The following MYO16 variants were observed in gnomAD, a reference collection of about 807,000 sequenced individuals.
MYO16 encodes unconventional myosin-XVI.
Under a neutral mutation model 205.3 loss-of-function variants are expected in MYO16, and 94 were observed. That is an observed-to-expected ratio of 0.46 (90% CI 0.39 to 0.54). The LOEUF (loss-of-function observed/expected upper bound fraction) is 0.54, where lower values mean the gene tolerates loss of function less well. MYO16 is among the 20% of genes least tolerant of loss of function. The pLI is 0.00. For synonymous variants in MYO16, 988 were observed against 954.0 expected, an observed-to-expected ratio of 1.04 and a Z score of -0.66; for missense variants, 2,315 against 2,387.5, an observed-to-expected ratio of 0.97 and a Z score of 0.63.
At chr13:108,983,752 T>C (rs921867303) in intron 20 of MYO16, among the ~76,000 whole-genome samples, 2 of 152,154 alleles carry the variant, frequency 1.3e-5, no homozygotes, top group African/African-American at 4.8e-5. Flanking sequence ...CATTCTTAAT[T>C]GTTAAGACTG....
In MYO16 at chr13:108,947,250, A is replaced by G. The variant is rs187163483; in HGVS notation, c.1926-10438A>G. Among the ~76,000 whole-genome samples the G allele has an allele frequency of 2.0e-5, 3 of 152,280 alleles. No homozygotes were observed. The East Asian group carries it at 5.8e-4, about 29-fold the overall frequency. On this transcript the variant is annotated intron_variant, in intron 16 of 34. Transcript: ENST00000457511. The stretch of plus-strand genomic sequence containing the variant: ...CTGTTGGTGCTGTGGACATGGCCTT[A>G]CACATGCTTTCTGGTCACCTTCTCC...
At chr13:109,196,969 A>G (rs957208061) in intron 34 of MYO16, among the ~76,000 whole-genome samples, 1 of 152,194 alleles carries the variant, frequency 6.6e-6, no homozygotes, top group African/African-American at 2.4e-5. Context: ...AAATGCCTGG[A>G]TTTTGTACCT....
the MYO16 span, among the ~76,000 whole-genome samples, chr13:108,573,115 C>T: frequency 2.0e-5 from 3 of 152,172 alleles, no homozygotes; most frequent in Non-Finnish European, 4.4e-5. Context: ...CACCCACATT[C>T]CATGAGTCAA....
At chr13:108,613,689 G>A (rs934609169) in intron 1 of MYO16, among the ~76,000 whole-genome samples, 4 of 152,100 alleles carry the variant, frequency 2.6e-5, no homozygotes, top group African/African-American at 9.7e-5. Context: ...GGAGTATCAG[G>A]TTGGTCCAAG....
intron 13 of MYO16, 111 bp from the exon 14 acceptor site, chr13:108,888,261 C>G: frequency 1.5e-6 from 1 of 660,912 alleles, no homozygotes; most frequent in South Asian, 2.3e-5. Context: ...TGAGAAATAT[C>G]TCCAGTTAAT....
intron 2 of MYO16, among the ~76,000 whole-genome samples, chr13:108,711,751 A>G (rs544955844): frequency 6.6e-6 from 1 of 152,368 alleles, no homozygotes; most frequent in African/African-American, 2.4e-5. Flanking sequence ...GATAAAGTTA[A>G]TGGGAAGACA....
At chr13:108,885,826 A>G (rs1441328816) in intron 13 of MYO16, among the ~76,000 whole-genome samples, 1 of 152,192 alleles carries the variant, frequency 6.6e-6, no homozygotes, top group Non-Finnish European at 1.5e-5. Flanking sequence ...CAGCAGGCCC[A>G]TGCGCTTTGG....
chr13:108,568,982 G>A, the MYO16 span, among the ~76,000 whole-genome samples: 1 of 151,362 alleles, frequency 6.6e-6, no homozygotes, highest in East Asian at 1.9e-4. Flanking sequence ...CCATAAATGT[G>A]TTTATTTTTG....
Position 109,125,154 on chromosome 13 carries a change from T to C in MYO16, c.3578T>C (p.Ile1193Thr), listed in dbSNP as rs1384222105. 6 of 1,614,118 alleles carry C rather than the reference T, an allele frequency of 3.7e-6. No individual in the cohort carries two copies. In the South Asian group the frequency reaches 5.5e-5, roughly 15 times the overall value. ...GCACGCCAGCACCTGCTTCAGAGAA[T>C]AAGCATCAGACAACAAGAGGTGACT... ...FLARQHLLQR[I>T]SIRQQEVTSI... The change falls in exon 30 of 35, where the codon ATA becomes ACA. Residue 1193 changes from isoleucine to threonine, a missense_variant. This residue lies in a region of MYO16 where 1,097 missense variants were observed against 1,092.0 expected (regional missense o/e 1.00). Coordinates refer to ENST00000457511, the MANE Select transcript of MYO16 (RefSeq NM_001198950.3). The surrounding 1 kb of genome is among the most constrained non-coding windows in gnomAD (Gnocchi z 4.0).
chr13:108,620,982 G>C (rs1310738857), intron 1 of MYO16, among the ~76,000 whole-genome samples: 2 of 152,130 alleles, frequency 1.3e-5, no homozygotes, highest in African/African-American at 4.8e-5. Flanking sequence ...AGCTGGCTGT[G>C]CCAGGTACTA....
chr13:109,170,576 G>A (rs1878884977), intron 33 of MYO16, among the ~76,000 whole-genome samples: 1 of 151,768 alleles, frequency 6.6e-6, no homozygotes. Context: ...TGGAGAAAGG[G>A]AACTTCTCTT....
intron 2 of MYO16, among the ~76,000 whole-genome samples, chr13:108,702,269 G>C (rs898219324): frequency 1.3e-5 from 2 of 152,160 alleles, no homozygotes; most frequent in African/African-American, 4.8e-5. Context: ...ACTGTGAAAA[G>C]CCAAAGGCAA....
chr13:108,773,969 G>A (rs540499128), intron 4 of MYO16, among the ~76,000 whole-genome samples: 4 of 152,208 alleles, frequency 2.6e-5, no homozygotes, highest in East Asian at 3.9e-4. Flanking sequence ...GTGAGTGCCT[G>A]TAATCCAAGC....
At chr13:108,883,949 G>A (rs574770779) in intron 13 of MYO16, among the ~76,000 whole-genome samples, 278 of 152,274 alleles carry the variant, frequency 1.8e-3, no homozygotes, top group African/African-American at 5.7e-3. Context: ...AATTTGAAAT[G>A]TAATGCTAGA....
Position 109,127,500 on chromosome 13 carries a change from A to T in MYO16, c.4001A>T (p.Tyr1334Phe), listed in dbSNP as rs140567887. The T allele has an allele frequency of 2.5e-6, 4 of 1,613,324 alleles. No homozygotes were observed. The African/African-American group carries it at 5.3e-5, about 22-fold the overall frequency. ...RDPNTRLSAS[Y>F]EAVSACLSAA... ...CCCAACACCCGGCTGAGTGCTTCCT[A>T]TGAGGCTGTGAGCGCCTGCCTCTCC... The change falls in exon 31 of 35, where the codon TAT (tyrosine) becomes TTT (phenylalanine). Residue 1334 changes from tyrosine to phenylalanine, a missense_variant. Around this residue, in one of 3 missense-constraint regions of MYO16, gnomAD observed 1,097 missense variants for 1,092.0 expected, o/e 1.00. Coordinates refer to ENST00000457511, the MANE Select transcript of MYO16 (RefSeq NM_001198950.3). This position sits in a 1 kb window ranked among gnomAD's most constrained non-coding sequence, Gnocchi z 4.2.
chr13:108,793,879 C>G (rs146839381), intron 6 of MYO16, among the ~76,000 whole-genome samples: 46 of 152,218 alleles, frequency 3.0e-4, no homozygotes, highest in Non-Finnish European at 5.3e-4. Flanking sequence ...CACACGCATG[C>G]GTATGTTCAT....
At chr13:108,581,101 T>A in the MYO16 span, among the ~76,000 whole-genome samples, 323 of 152,216 alleles carry the variant, frequency 2.1e-3, 2 homozygotes, top group African/African-American at 7.3e-3. Context: ...GCCACCTGTG[T>A]GCATATGATG....
chr13:108,574,981 A>G, the MYO16 span, among the ~76,000 whole-genome samples: 1 of 152,146 alleles, frequency 6.6e-6, no homozygotes, highest in Admixed American at 6.5e-5. Flanking sequence ...GTGTACTCAC[A>G]TACTCCAGTG....
At chr13:108,707,808 C>T (rs1370240703) in intron 2 of MYO16, among the ~76,000 whole-genome samples, 1 of 152,162 alleles carries the variant, frequency 6.6e-6, no homozygotes, top group East Asian at 1.9e-4. Context: ...CCAGAATCTC[C>T]TGCAGTGTGT....
Sources: gnomAD v4.1 joint callset for allele counts (sites outside exome capture counted in the v4.1 genomes callset) on GRCh38, gnomAD v4.1.1 for gene constraint, gnomAD v4.1.1 regional missense constraint, Gnocchi (gnomAD v3.1) non-coding constraint, MANE v1.5 for transcripts, NCBI Gene and HGNC (gene_info 2026-07-23, HGNC 2026-07-21) for gene names.